Variants in NCOA6 observed in about 807,000 individuals in gnomAD.
NCOA6 encodes the protein NRC RAP250.
A neutral mutation model predicts 171.4 loss-of-function variants in NCOA6; 49 were observed. That is an observed-to-expected ratio of 0.29 (90% CI 0.23 to 0.36). The LOEUF (loss-of-function observed/expected upper bound fraction) is 0.36, where lower values mean the gene tolerates loss of function less well. Among genes scored for constraint, NCOA6 ranks in the 10% least tolerant of loss-of-function variants. The pLI, the probability that NCOA6 is intolerant of heterozygous loss-of-function variation, is 1.00. For synonymous variants in NCOA6, 910 were observed against 927.5 expected, an observed-to-expected ratio of 0.98 and a Z score of 0.34; for missense variants, 2,248 against 2,554.5, an observed-to-expected ratio of 0.88 and a Z score of 2.59.
intron 5 of NCOA6, among the ~76,000 whole-genome samples, chr20:34,764,648 G>A (rs1449088894): frequency 2.0e-5 from 3 of 151,398 alleles, no homozygotes; most frequent in Non-Finnish European, 4.4e-5. Flanking sequence ...TCGCGCAACT[G>A]CACTCCAGCT....
chr20:34,804,001 G>T (rs115275211), intron 1 of NCOA6, among the ~76,000 whole-genome samples: 1 of 146,974 alleles, frequency 6.8e-6, no homozygotes, highest in Non-Finnish European at 1.5e-5. Flanking sequence ...ACAAAAAACC[G>T]TCATCACAGC....
At position 34,757,617 on chromosome 20, in the gene NCOA6, G is replaced by C. The variant is rs1430081457; in HGVS notation, c.1131C>G (p.Pro377=). Residue 377 remains proline, a synonymous_variant, in exon 7 of 15, where the codon CCC becomes CCG. Coordinates refer to ENST00000359003, the MANE Select transcript of NCOA6 (RefSeq NM_014071.5). ...QTPSHPPPPY[P]FGSQQASQAH... ...CTTGTGAGGCTTGCTGGCTGCCAAA[G>C]GGATATGGAGGGGGAGGGTGGGAAG... The C allele has an allele frequency of 2.5e-6, 4 of 1,613,866 alleles. No homozygotes were observed. The highest frequency in any genetic ancestry group is 1.7e-5 in the Admixed American group (1 of 59,984).
At chr20:34,749,220 A>C (rs2076395437) in intron 9 of NCOA6, among the ~76,000 whole-genome samples, 183 bp downstream of exon 9, 1 of 152,200 alleles carries the variant, frequency 6.6e-6, no homozygotes, top group Non-Finnish European at 1.5e-5. Context: ...GCTTTGAAAT[A>C]CTCAAAAGGG....
chr20:34,817,605 G>A (rs1221986469), intron 1 of NCOA6, among the ~76,000 whole-genome samples: 1 of 152,084 alleles, frequency 6.6e-6, no homozygotes, highest in South Asian at 2.1e-4. Context: ...CTCCTAGGCA[G>A]CTACTTTATG....
At chr20:34,796,358 C>T (rs1304358420) in intron 1 of NCOA6, among the ~76,000 whole-genome samples, 1 of 152,050 alleles carries the variant, frequency 6.6e-6, no homozygotes, top group Non-Finnish European at 1.5e-5. Context: ...GCGGCTCATG[C>T]TTGTAATCCC....
intron 1 of NCOA6, among the ~76,000 whole-genome samples, chr20:34,814,719 G>A (rs2078773986): frequency 6.6e-6 from 1 of 152,116 alleles, no homozygotes; most frequent in Non-Finnish European, 1.5e-5. Flanking sequence ...AGCCTCCCAA[G>A]TAGCTGGGAT....
chr20:34,764,505 CCA>C (rs1223704933), intron 5 of NCOA6, among the ~76,000 whole-genome samples: 1 of 151,826 alleles, frequency 6.6e-6, no homozygotes, highest in East Asian at 2.0e-4. Context: ...ACCAGCCTGG[CCA>C]AGATGGTGAA....
chr20:34,789,877 C>T (rs1313092368), intron 2 of NCOA6, among the ~76,000 whole-genome samples: 2 of 151,996 alleles, frequency 1.3e-5, no homozygotes, highest in Admixed American at 1.3e-4. Flanking sequence ...ATATTCTTCA[C>T]GGCAATTATT....
chr20:34,718,398 G>A (rs1988868276), intron 14 of NCOA6, among the ~76,000 whole-genome samples: 2 of 151,688 alleles, frequency 1.3e-5, no homozygotes, highest in African/African-American at 4.8e-5. Flanking sequence ...ATCTTTTGAT[G>A]AGTTTTTTTG....
intron 5 of NCOA6, among the ~76,000 whole-genome samples, chr20:34,767,145 T>A (rs2077004551): frequency 6.6e-6 from 1 of 152,122 alleles, no homozygotes; most frequent in Non-Finnish European, 1.5e-5. Context: ...GCTCAAAAGA[T>A]GGTAGGTATT....
Position 34,741,680 on chromosome 20 carries a change from T to G in NCOA6, c.4576A>C (p.Lys1526Gln). The change falls in exon 11 of 15, where the codon AAA (lysine) becomes CAA (glutamine). Residue 1526 changes from lysine (K) to glutamine (Q), a missense_variant. Physicochemically the swap from Lys to Gln is moderately conservative, Grantham distance 53 (BLOSUM62 1). Transcript: ENST00000359003. ...TPPVVSGEDL[K>Q]KASVIPTLQD... is the part of the protein sequence containing the mutation. Reference sequence around the variant, plus strand: ...AGTGTGGGAATGACAGATGCTTTTTTGAGGTCCTCCCCAGAAACTACTGGA... The same window carrying G: ...AGTGTGGGAATGACAGATGCTTTTTGGAGGTCCTCCCCAGAAACTACTGGA... 5 of 1,614,190 alleles carry G rather than the reference T, an allele frequency of 3.1e-6. No homozygotes were observed. Among genetic ancestry groups the G allele is most frequent in the Non-Finnish European group, 4.2e-6 (5 of 1,180,034 alleles).
rs576876690 is a variant in NCOA6 at position 34,739,529 on chromosome 20, A to C, written c.5893+834T>G. 2.6e-5 allele frequency among the ~76,000 whole-genome samples: 4 copies of C among 152,310 alleles called. No homozygotes were observed. In the South Asian group the frequency reaches 8.3e-4, roughly 32 times the overall value. ...CCAGACAAAAAAAGAATGGTTCCTG[A>C]GATAGAGTACAGTGAGAATGGGGCT... On this transcript the variant is annotated intron_variant, in intron 11 of 14. Coordinates refer to ENST00000359003, the MANE Select transcript of NCOA6 (RefSeq NM_014071.5).
At chr20:34,750,645 G>T in intron 8 of NCOA6, 126 bp from the exon 9 acceptor site, 1 of 1,042,150 alleles carries the variant, frequency 9.6e-7, no homozygotes, top group South Asian at 2.0e-5. Context: ...ACATAAATAT[G>T]CTGTTGACAT....
At chr20:34,766,340 G>A (rs1055004355) in intron 5 of NCOA6, among the ~76,000 whole-genome samples, 2 of 152,120 alleles carry the variant, frequency 1.3e-5, no homozygotes, top group African/African-American at 2.4e-5. Context: ...GGCTGGGTAC[G>A]GTGGCTCAGT....
chr20:34,793,316 G>T (rs2077955859), intron 1 of NCOA6, among the ~76,000 whole-genome samples: 1 of 151,990 alleles, frequency 6.6e-6, no homozygotes, highest in African/African-American at 2.4e-5. Flanking sequence ...TACAAGACCC[G>T]CTTTTCTAAC....
intron 3 of NCOA6, among the ~76,000 whole-genome samples, chr20:34,779,235 G>A (rs745685151): frequency 1.2e-4 from 18 of 152,160 alleles, no homozygotes; most frequent in South Asian, 2.1e-4. Context: ...ATTTGGCTGC[G>A]TGCAGTGGCG....
intron 1 of NCOA6, among the ~76,000 whole-genome samples, chr20:34,794,772 T>G (rs1286266533): frequency 6.6e-6 from 1 of 152,144 alleles, no homozygotes. Context: ...CTCACACTAA[T>G]GAGGAGTGTG....
chr20:34,727,553 T>G (rs1436971977), intron 13 of NCOA6, 146 bp from the exon 14 acceptor site: 1 of 781,866 alleles, frequency 1.3e-6, no homozygotes, highest in African/African-American at 1.7e-5. Context: ...CCTGGGGTAA[T>G]AAGCACTATT....
At chr20:34,807,851 A>G (rs1269857319) in intron 1 of NCOA6, among the ~76,000 whole-genome samples, 2 of 138,554 alleles carry the variant, frequency 1.4e-5, no homozygotes, top group African/African-American at 5.2e-5. Context: ...GTTTTTTTGT[A>G]GAAACAGTAT....
Sources: gnomAD v4.1 joint callset for allele counts (sites outside exome capture counted in the v4.1 genomes callset) on GRCh38, gnomAD v4.1.1 for gene constraint, MANE v1.5 for transcripts, NCBI Gene and HGNC (gene_info 2026-07-23, HGNC 2026-07-21) for gene names.